The following SLC9D1 variants were observed in gnomAD, a reference collection of about 807,000 sequenced individuals.
SLC9D1 encodes putative LAG1-interacting protein.
At chr13:113,499,571 C>T in the SLC9D1 span, among the ~76,000 whole-genome samples, 5 of 152,090 alleles carry the variant, frequency 3.3e-5, no homozygotes, top group Admixed American at 6.5e-5. Flanking sequence ...GGACTGATGA[C>T]GAAAATTGAC....
At chr13:113,500,041 G>A in the SLC9D1 span, 2 of 1,592,938 alleles carry the variant, frequency 1.3e-6, no homozygotes, top group East Asian at 2.3e-5. Context: ...AACGAGAAGT[G>A]GAGGATGACT....
the SLC9D1 span, among the ~76,000 whole-genome samples, chr13:113,525,108 C>CTTT: frequency 6.6e-6 from 1 of 152,176 alleles, no homozygotes; most frequent in African/African-American, 2.4e-5. Flanking sequence ...CGTTTTACCA[C>CTTT]TTCATGTGAA....
chr13:113,527,602 TTC>T, the SLC9D1 span: 2 of 152,246 alleles, frequency 1.3e-5, no homozygotes, highest in Non-Finnish European at 2.9e-5. Context: ...CAAGGTTTTT[TTC>T]TCTGTCTTTA....
the SLC9D1 span, among the ~76,000 whole-genome samples, chr13:113,502,757 G>A: frequency 1.1e-4 from 17 of 152,174 alleles, no homozygotes; most frequent in African/African-American, 7.2e-5. Flanking sequence ...GGGGTGGGAC[G>A]GGGAGGAGTG....
the SLC9D1 span, among the ~76,000 whole-genome samples, chr13:113,536,175 C>T: frequency 7.8e-4 from 119 of 152,086 alleles, 1 homozygote; most frequent in African/African-American, 2.5e-3. Flanking sequence ...GTCAGGAGTT[C>T]GAGACCAGCT....
the SLC9D1 span, chr13:113,500,016 A>G: frequency 6.3e-7 from 1 of 1,591,936 alleles, no homozygotes; most frequent in South Asian, 1.1e-5. Flanking sequence ...GCCAATTCTA[A>G]GCAAAATATA....
chr13:113,501,083 A>G, the SLC9D1 span, among the ~76,000 whole-genome samples: 1 of 152,196 alleles, frequency 6.6e-6, no homozygotes, highest in African/African-American at 2.4e-5. Flanking sequence ...TGCACCCGTC[A>G]TGGCAAAGCC....
the SLC9D1 span, among the ~76,000 whole-genome samples, chr13:113,493,595 C>T: frequency 6.6e-6 from 1 of 152,100 alleles, no homozygotes; most frequent in Non-Finnish European, 1.5e-5. Flanking sequence ...TGTATTGAAA[C>T]TAACATAAAA....
the SLC9D1 span, among the ~76,000 whole-genome samples, chr13:113,493,778 C>A: frequency 6.6e-6 from 1 of 152,092 alleles, no homozygotes; most frequent in Non-Finnish European, 1.5e-5. Context: ...GTGACTTTTG[C>A]TTGTAATTCT....
the SLC9D1 span, among the ~76,000 whole-genome samples, chr13:113,515,169 T>G: frequency 6.6e-6 from 1 of 152,214 alleles, no homozygotes; most frequent in African/African-American, 2.4e-5. Context: ...TCCTAGAAAA[T>G]TCTTGCAAAT....
the SLC9D1 span, among the ~76,000 whole-genome samples, chr13:113,510,916 G>A: frequency 6.6e-6 from 1 of 152,310 alleles, no homozygotes; most frequent in African/African-American, 2.4e-5. Flanking sequence ...CTTCTAAGTC[G>A]TGACTGTTTA....
At chr13:113,533,479 T>C in the SLC9D1 span, among the ~76,000 whole-genome samples, 1 of 152,186 alleles carries the variant, frequency 6.6e-6, no homozygotes, top group East Asian at 1.9e-4. Flanking sequence ...AATATAGGTA[T>C]ATTTGTGAAG....
the SLC9D1 span, chr13:113,500,249 C>A: frequency 1.5e-6 from 1 of 671,602 alleles, no homozygotes; most frequent in East Asian, 3.1e-5. Context: ...AGCCTTCCTT[C>A]TAGCAGAGAT....
chr13:113,507,800 G>A, the SLC9D1 span, among the ~76,000 whole-genome samples: 2 of 152,240 alleles, frequency 1.3e-5, no homozygotes, highest in Non-Finnish European at 2.9e-5. Context: ...GGTGTTCCAG[G>A]CCCTTCAGGG....
the SLC9D1 span, among the ~76,000 whole-genome samples, chr13:113,537,533 T>C: frequency 1.3e-5 from 2 of 152,258 alleles, no homozygotes; most frequent in African/African-American, 2.4e-5. Flanking sequence ...TTTTTGCAAA[T>C]GTCTTGCAGT....
chr13:113,499,135 A>T, the SLC9D1 span, among the ~76,000 whole-genome samples: 3,846 of 152,256 alleles, frequency 0.025, 99 homozygotes, highest in East Asian at 0.12. Context: ...TTGCCATGGC[A>T]TTTGTAAGTT....
At chr13:113,535,747 C>T in the SLC9D1 span, among the ~76,000 whole-genome samples, 1 of 151,950 alleles carries the variant, frequency 6.6e-6, no homozygotes, top group African/African-American at 2.4e-5. The surrounding 1 kb of genome is among the most constrained non-coding windows in gnomAD (Gnocchi z 4.1). Flanking sequence ...TGAGGAAAGG[C>T]TCGTGGTTCC....
At chr13:113,541,519 T>C in the SLC9D1 span, among the ~76,000 whole-genome samples, 114 of 118,348 alleles carry the variant, frequency 9.6e-4, 2 homozygotes, top group South Asian at 6.2e-3. Flanking sequence ...CGCACACGAT[T>C]GCTGATCACT....
the SLC9D1 span, among the ~76,000 whole-genome samples, chr13:113,522,434 A>G: frequency 1.3e-5 from 2 of 152,144 alleles, no homozygotes; most frequent in Non-Finnish European, 2.9e-5. Context: ...TCCGCCTCCC[A>G]GCTTCACGCC....
Sources: gnomAD v4.1 joint callset for allele counts (sites outside exome capture counted in the v4.1 genomes callset) on GRCh38, gnomAD v4.1.1 for gene constraint, Gnocchi (gnomAD v3.1) non-coding constraint, MANE v1.5 for transcripts, NCBI Gene and HGNC (gene_info 2026-07-23, HGNC 2026-07-21) for gene names.